Variants in DPP6 observed in about 807,000 individuals in gnomAD.
DPP6 encodes A-type potassium channel modulatory protein DPP6.
A neutral mutation model predicts 122.6 loss-of-function variants in DPP6; 69 were observed. That is an observed-to-expected ratio of 0.56 (90% confidence interval 0.46 to 0.69). DPP6 has a LOEUF of 0.69. Among genes scored for constraint, DPP6 ranks in the 30% least tolerant of loss-of-function variants. The pLI is 0.00. For synonymous variants in DPP6, 418 were observed against 433.1 expected (o/e 0.97, Z 0.43); for missense variants, 928 against 1,116.9 (o/e 0.83, Z 2.41).
Position 154,271,063 on chromosome 7 carries a change from T to C in DPP6, c.244-175151T>C, listed in dbSNP as rs144761386. Among the ~76,000 whole-genome samples the C allele has an allele frequency of 8.0e-3, 1,217 of 152,326 alleles. 25 individuals are homozygous for C. Among genetic ancestry groups the C allele is most frequent in the African/African-American group, 0.026 (1,086 of 41,572 alleles). The stretch of plus-strand genomic sequence containing the variant: ...ATGTTCCACATCACAAGCACTTTCA[T>C]TGGAAGTTTCTAGGATTCCAGGATG... On this transcript the variant is annotated intron_variant, in intron 1 of 25. Coordinates refer to ENST00000377770, the MANE Select transcript of DPP6 (RefSeq NM_130797.4).
intron 1 of DPP6, among the ~76,000 whole-genome samples, chr7:154,222,708 C>A (rs1800376739): frequency 6.7e-6 from 1 of 149,264 alleles, no homozygotes; most frequent in South Asian, 2.1e-4. Context: ...TTGCAACAGA[C>A]AGAACTCTTT....
At chr7:154,389,042 G>A (rs1404635097) in intron 1 of DPP6, among the ~76,000 whole-genome samples, 1 of 152,122 alleles carries the variant, frequency 6.6e-6, no homozygotes, top group East Asian at 1.9e-4. Context: ...AGCTGGTTGG[G>A]AAAGCTGTCG....
chr7:154,180,029 G>A (rs1379899267), intron 1 of DPP6, among the ~76,000 whole-genome samples: 1 of 152,168 alleles, frequency 6.6e-6, no homozygotes, highest in Non-Finnish European at 1.5e-5. Context: ...GAAACAGAAT[G>A]AAGTACAGGA....
intron 1 of DPP6, among the ~76,000 whole-genome samples, chr7:154,366,723 G>A (rs1002170675): frequency 6.6e-6 from 1 of 152,158 alleles, no homozygotes; most frequent in African/African-American, 2.4e-5. Context: ...AGAATTGGGT[G>A]AGGTAGAACC....
intron 22 of DPP6, among the ~76,000 whole-genome samples, chr7:154,887,204 C>T (rs577396600): frequency 2.6e-5 from 4 of 152,286 alleles, no homozygotes; most frequent in Non-Finnish European, 5.9e-5. Context: ...GGCCCTCAGC[C>T]CTGGGAGAAG....
chr7:154,543,966 C>G, intron 4 of DPP6, among the ~76,000 whole-genome samples: 1 of 140,674 alleles, frequency 7.1e-6, no homozygotes, highest in African/African-American at 2.7e-5. Flanking sequence ...TACACGCCAG[C>G]CTGGGCAACA....
Position 154,892,581 on chromosome 7 carries a change from G to A in DPP6, c.*101G>A, listed in dbSNP as rs553548654. On this transcript the variant is annotated 3_prime_UTR_variant, in exon 26 of 26. Coordinates refer to ENST00000377770, the MANE Select transcript of DPP6 (RefSeq NM_130797.4). ...TTCCCTCGGAGGGGCGGGGCGGGGC[G>A]GGGCCGGGTGTTCCATAGCATGTGT... 33 of 1,550,812 alleles carry A rather than the reference G, an allele frequency of 2.1e-5. No homozygotes were observed. In the East Asian group the frequency reaches 2.7e-4, roughly 13 times the overall value.
intron 16 of DPP6, among the ~76,000 whole-genome samples, chr7:154,837,282 G>A (rs1801148068): frequency 2.0e-5 from 3 of 147,322 alleles, no homozygotes; most frequent in African/African-American, 7.8e-5. Context: ...CACGCATGCA[G>A]GCACATTCAC....
At chr7:153,914,285 T>C (rs1272944561) in intron 1 of DPP6, among the ~76,000 whole-genome samples, 1 of 152,204 alleles carries the variant, frequency 6.6e-6, no homozygotes, top group Non-Finnish European at 1.5e-5. Flanking sequence ...CATGTGGAAC[T>C]GTGAGTTCAT....
intron 1 of DPP6, among the ~76,000 whole-genome samples, chr7:154,278,768 AATG>A (rs1220534758): frequency 6.6e-6 from 1 of 152,154 alleles, no homozygotes; most frequent in Admixed American, 6.6e-5. Context: ...TCCTTTAAGG[AATG>A]ATATGTGTGC....
chr7:154,575,182 ATG>A (rs1289803016), intron 5 of DPP6, among the ~76,000 whole-genome samples: 1 of 52,594 alleles, frequency 1.9e-5, no homozygotes, highest in East Asian at 7.1e-4. Context: ...GGGGGGGTAT[ATG>A]TGTGTGGTGT....
chr7:154,319,831 CA>C (rs1807771612), intron 1 of DPP6, among the ~76,000 whole-genome samples: 1 of 150,290 alleles, frequency 6.7e-6, no homozygotes, highest in Non-Finnish European at 1.5e-5. Context: ...TCTCTACTAA[CA>C]ATACAAAAAT....
At chr7:154,096,754 A>G (rs1269082447) in intron 1 of DPP6, among the ~76,000 whole-genome samples, 1 of 152,216 alleles carries the variant, frequency 6.6e-6, no homozygotes, top group Non-Finnish European at 1.5e-5. Flanking sequence ...TATAATGACT[A>G]TACTAGATTT....
the DPP6 span, among the ~76,000 whole-genome samples, chr7:153,854,439 A>T: frequency 1.3e-5 from 2 of 148,668 alleles, no homozygotes; most frequent in Non-Finnish European, 3.0e-5. Flanking sequence ...ACATGAACAG[A>T]CACTTCTCAA....
At chr7:154,751,211 A>G (rs1442839868) in intron 8 of DPP6, among the ~76,000 whole-genome samples, 1 of 152,084 alleles carries the variant, frequency 6.6e-6, no homozygotes, top group Non-Finnish European at 1.5e-5. Context: ...GTGGGTGTCT[A>G]TCCTGGTGGT....
At position 154,624,189 on chromosome 7, in the gene DPP6, G is replaced by A. The variant is rs546587253; in HGVS notation, c.628-13632G>A. Among the ~76,000 whole-genome samples the A allele has an allele frequency of 3.7e-4, 56 of 152,258 alleles. No homozygotes were observed. In the South Asian group the frequency reaches 6.4e-3, roughly 17 times the overall value. On this transcript the variant is annotated intron_variant, in intron 5 of 25. Transcript: ENST00000377770. The surrounding 1 kb of genome is among the most constrained non-coding windows in gnomAD (Gnocchi z 4.7). ...CTAAAAATACAAAAATCAGCCAGAC[G>A]TGGTGGCGGGTGCCTATAAATCCAG...
intron 1 of DPP6, among the ~76,000 whole-genome samples, chr7:154,358,564 C>T (rs1361084998): frequency 2.0e-5 from 3 of 152,090 alleles, no homozygotes; most frequent in South Asian, 2.1e-4. Context: ...GGATGGCACT[C>T]GACGTGTGGG....
intron 1 of DPP6, among the ~76,000 whole-genome samples, chr7:154,310,049 TG>T (rs559332984): frequency 8.7e-4 from 133 of 152,252 alleles, no homozygotes; most frequent in Admixed American, 1.2e-3. Context: ...GGAGACAGGA[TG>T]GAGTTTGGCT....
chr7:154,035,775 T>G (rs932922275), intron 1 of DPP6, among the ~76,000 whole-genome samples: 1 of 152,224 alleles, frequency 6.6e-6, no homozygotes, highest in African/African-American at 2.4e-5. Context: ...CAAAGATTAT[T>G]TCCATAGATC....
Sources: allele counts gnomAD v4.1 joint callset (sites outside exome capture counted in the v4.1 genomes callset), GRCh38; gene constraint gnomAD v4.1.1; non-coding constraint Gnocchi (gnomAD v3.1); transcripts MANE v1.5; gene names NCBI Gene and HGNC (gene_info 2026-07-23, HGNC 2026-07-21).